JPT1: variants seen among roughly 807,000 people sequenced by gnomAD.
JPT1 encodes the protein Jupiter microtubule associated homolog 1, also known as androgen-regulated protein 2.
In JPT1, 5 loss-of-function variants were observed where a neutral mutation model predicts 17.0. The ratio of observed to expected loss-of-function variants is 0.29; its 90% CI spans 0.15 to 0.62. The LOEUF is 0.62. JPT1 is among the 20% of genes least tolerant of loss of function. JPT1 has a pLI of 0.85. For synonymous variants in JPT1, 71 were observed against 73.6 expected (o/e 0.96, Z 0.18); for missense variants, 158 against 188.1 (o/e 0.84, Z 0.94).
rs370016046 is a variant in JPT1 at position 75,135,963 on chromosome 17, G to GAA, written c.*137_*138dup. The stretch of plus-strand genomic sequence containing the variant: ...ACAGAGAGAAACCTGTTCTTCAAAA[G>GAA]AAAAAAAAAAAAGACAGCAGTACAT... On this transcript the variant is annotated 3_prime_UTR_variant, in exon 5 of 5. Coordinates refer to ENST00000409753, the MANE Select transcript of JPT1 (RefSeq NM_016185.4). The GAA allele has an allele frequency of 4.8e-4, 568 of 1,182,130 alleles. No homozygotes were observed. Among genetic ancestry groups the GAA allele is most frequent in the African/African-American group, 2.8e-3 (178 of 63,112 alleles). 73.2% of individuals were successfully genotyped at this position (1,182,130 alleles called of 1,614,324 possible). A position where few individuals can be genotyped will look rare whatever the true frequency, so the allele number is the denominator to read the frequency against.
chr17:75,149,359 T>C (rs1156376126), intron 1 of JPT1, among the ~76,000 whole-genome samples: 1 of 152,108 alleles, frequency 6.6e-6, no homozygotes, highest in Non-Finnish European at 1.5e-5. Flanking sequence ...TGTCTCAAAA[T>C]GTAAAAAGTA....
At chr17:75,145,724 C>CT (rs2074415540) in intron 4 of JPT1, 1 of 152,208 alleles carries the variant, frequency 6.6e-6, no homozygotes, top group South Asian at 2.1e-4. Flanking sequence ...TTGTTTTACT[C>CT]TTTCCCCTCT....
At chr17:75,136,852 C>T (rs556260451) in intron 4 of JPT1, among the ~76,000 whole-genome samples, 2 of 152,286 alleles carry the variant, frequency 1.3e-5, no homozygotes, top group East Asian at 1.9e-4. Flanking sequence ...CTTCCAGCTC[C>T]GGGTGGATCC....
chr17:75,138,726 C>T (rs750579178), intron 4 of JPT1, among the ~76,000 whole-genome samples: 4 of 152,040 alleles, frequency 2.6e-5, no homozygotes, highest in Non-Finnish European at 5.9e-5. Context: ...GTCTTTAACA[C>T]TTACTCTCAA....
chr17:75,154,420 T>A lies in JPT1; in HGVS notation c.-23A>T. ...CATGGCGCCGAGGAGCGAGGTAGGCTGGCGCCGGAGCAGAACGCTCAAAGG... is the reference window on the plus strand; with the variant it reads ...CATGGCGCCGAGGAGCGAGGTAGGCAGGCGCCGGAGCAGAACGCTCAAAGG... On this transcript the variant is annotated 5_prime_UTR_variant, in exon 1 of 5. Coordinates refer to ENST00000409753, the MANE Select transcript of JPT1 (RefSeq NM_016185.4). The A allele has an allele frequency of 6.5e-7, 1 of 1,546,984 alleles. No homozygotes were observed. The highest frequency in any genetic ancestry group is 1.2e-5 in the South Asian group (1 of 83,862).
chr17:75,148,850 G>A (rs1010223170), intron 1 of JPT1, among the ~76,000 whole-genome samples, 179 bp from the exon 2 acceptor site: 15 of 152,164 alleles, frequency 9.9e-5, no homozygotes, highest in African/African-American at 3.6e-4. Context: ...AGTGCTGGAT[G>A]TTAAGATACT....
chr17:75,136,166 G>A lies in JPT1; in HGVS notation c.401C>T (p.Ala134Val), dbSNP rs1233615035. ...VPAAPVPSPV[A>V]PAPVPSRRNP... ...TCTTCTGGATGGCACTGGGGCCGGG[G>A]CCACCGGGCTGGGCACAGGCGCAGC... is the stretch of plus-strand genomic sequence containing the variant. Residue 134 changes from alanine to valine, a missense_variant, in exon 5 of 5, where the codon GCC (alanine) becomes GTC (valine). Transcript: ENST00000409753. The A allele has an allele frequency of 6.2e-7, 1 of 1,614,054 alleles. No homozygotes were observed. The highest frequency in any genetic ancestry group is 1.7e-5 in the Admixed American group (1 of 60,004).
intron 4 of JPT1, 85 bp from the exon 5 acceptor site, chr17:75,136,335 T>C (rs1177993200): frequency 2.8e-6 from 4 of 1,422,112 alleles, no homozygotes; most frequent in African/African-American, 1.4e-5. Context: ...TTTTCTTTTT[T>C]TTTTGGTTTG....
chr17:75,142,484 C>T (rs1046066374), intron 4 of JPT1, among the ~76,000 whole-genome samples: 1 of 149,170 alleles, frequency 6.7e-6, no homozygotes, highest in African/African-American at 2.5e-5. Context: ...CACTTGAAAC[C>T]GGTAGGTGGA....
intron 3 of JPT1, among the ~76,000 whole-genome samples, chr17:75,147,246 C>T (rs759858901): frequency 9.2e-5 from 14 of 151,664 alleles, no homozygotes; most frequent in South Asian, 2.1e-4. Flanking sequence ...TGGAGTTCAA[C>T]GCAAAGCAGT....
intron 1 of JPT1, among the ~76,000 whole-genome samples, chr17:75,149,454 A>C (rs1433744590): frequency 6.6e-6 from 1 of 151,996 alleles, no homozygotes; most frequent in South Asian, 2.1e-4. Flanking sequence ...TGCAAGCTCC[A>C]CCTCCCGGGT....
chr17:75,142,620 G>GGGA, intron 4 of JPT1: 1 of 105,406 alleles, frequency 9.5e-6, no homozygotes, highest in South Asian at 4.4e-5. Context: ...GGAGAGAGGA[G>GGGA]GGGAGGGAGG....
In JPT1 at chr17:75,147,745, T is replaced by C. The variant is rs112791474; in HGVS notation, c.200-92A>G. 51 of 999,358 alleles carry C rather than the reference T, an allele frequency of 5.1e-5. No homozygotes were observed. In the East Asian group the frequency reaches 1.1e-3, roughly 22 times the overall value. 61.9% of individuals were successfully genotyped at this position (999,358 alleles called of 1,614,324 possible). A position where few individuals can be genotyped will look rare whatever the true frequency, so the allele number is the denominator to read the frequency against. On this transcript the variant is annotated intron_variant, in intron 2 of 4. Transcript: ENST00000409753. ...TGGGCACGGTGGCTCATGCCTGTAA[T>C]CTCAGTGCTTTAGGAGGCCGAGGCG...
At chr17:75,137,544 T>C (rs1326162117) in intron 4 of JPT1, among the ~76,000 whole-genome samples, 7 of 150,810 alleles carry the variant, frequency 4.6e-5, no homozygotes, top group Admixed American at 2.6e-4. Flanking sequence ...TTTTTTTTTT[T>C]ATTTTTAAAA....
At chr17:75,152,107 G>A (rs962696184) in intron 1 of JPT1, among the ~76,000 whole-genome samples, 11 of 152,182 alleles carry the variant, frequency 7.2e-5, no homozygotes, top group African/African-American at 1.9e-4. Context: ...CTCGGATGAC[G>A]TCAGTGTTGT....
At chr17:75,151,510 G>A (rs972698464) in intron 1 of JPT1, among the ~76,000 whole-genome samples, 1 of 151,994 alleles carries the variant, frequency 6.6e-6, no homozygotes. Flanking sequence ...ACAAAAATTA[G>A]CTGGGCGTGG....
At chr17:75,142,740 G>C (rs983521717) in intron 4 of JPT1, 1 of 454,936 alleles carries the variant, frequency 2.2e-6, no homozygotes, top group African/African-American at 2.0e-5. Flanking sequence ...AGCAAGAAGT[G>C]GAATCAAAAA....
chr17:75,147,399 C>A, intron 3 of JPT1, 157 bp downstream of exon 3: 1 of 584,550 alleles, frequency 1.7e-6, no homozygotes, highest in South Asian at 2.2e-5. Context: ...TAACACACTT[C>A]TATGATTTTA....
At position 75,146,693 on chromosome 17, in the gene JPT1, GAAAA is replaced by G; in HGVS notation, c.298-13_298-10del. On this transcript the variant is annotated splice_polypyrimidine_tract_variant and intron_variant, in intron 3 of 4. Coordinates refer to ENST00000409753, the MANE Select transcript of JPT1 (RefSeq NM_016185.4). Reference sequence around the variant, plus strand: ...TGAATATCACCTTCTCCCTAGAAAAGAAAAAAATTCAAAAATTTACTTCCTATTT... The same window carrying G: ...TGAATATCACCTTCTCCCTAGAAAAGAAATTCAAAAATTTACTTCCTATTT... 2.0e-6 allele frequency: 3 copies of G among 1,526,042 alleles called. No homozygotes were observed. The highest frequency in any genetic ancestry group is 2.7e-6 in the Non-Finnish European group (3 of 1,124,594). 94.5% of individuals were successfully genotyped at this position (1,526,042 alleles called of 1,614,324 possible). A position where few individuals can be genotyped will look rare whatever the true frequency, so the allele number is the denominator to read the frequency against.
Sources: allele counts gnomAD v4.1 joint callset (sites outside exome capture counted in the v4.1 genomes callset), GRCh38; gene constraint gnomAD v4.1.1; transcripts MANE v1.5; gene names NCBI Gene and HGNC (gene_info 2026-07-23, HGNC 2026-07-21).